C11orf65: variants seen among roughly 807,000 people sequenced by gnomAD.
C11orf65 encodes chromosome 11 open reading frame 65.
Under a neutral mutation model 35.3 loss-of-function variants are expected in C11orf65, and 38 were observed. The ratio of observed to expected loss-of-function variants is 1.08; its 90% CI spans 0.83 to 1.41. C11orf65 has a LOEUF of 1.41. Ranked by LOEUF, C11orf65 falls within the 40% of genes most tolerant of loss-of-function variation. The pLI, the probability that C11orf65 is intolerant of heterozygous loss-of-function variation, is 0.00. For missense variants in C11orf65, 370 were observed against 367.1 expected, an observed-to-expected ratio of 1.01 and a Z score of -0.06; for synonymous variants, 105 against 114.4, an observed-to-expected ratio of 0.92 and a Z score of 0.53.
chr11:108,442,174 T>G (rs1446905935), intron 2 of C11orf65, among the ~76,000 whole-genome samples: 2 of 152,124 alleles, frequency 1.3e-5, no homozygotes, highest in Non-Finnish European at 1.5e-5. Context: ...AACTAGGTGA[T>G]GCATGCACAA....
intron 2 of C11orf65, among the ~76,000 whole-genome samples, chr11:108,373,515 A>G (rs2091627985): frequency 6.6e-6 from 1 of 152,180 alleles, no homozygotes; most frequent in Non-Finnish European, 1.5e-5. Flanking sequence ...TAAAAGACAT[A>G]CCGTTTTAAA....
intron 3 of C11orf65, among the ~76,000 whole-genome samples, chr11:108,414,891 G>A (rs2092708773): frequency 6.6e-6 from 1 of 151,910 alleles, no homozygotes; most frequent in Non-Finnish European, 1.5e-5. Context: ...ATTTTGCAAG[G>A]CCACTATTAT....
At position 108,336,771 on chromosome 11, in the gene C11orf65, C is replaced by T. The variant is rs190729300; in HGVS notation, c.227-1479G>A. Among the ~76,000 whole-genome samples, 4 of 152,334 alleles carry T rather than the reference C, an allele frequency of 2.6e-5. No individual in the cohort carries two copies. In the East Asian group the frequency reaches 5.8e-4, roughly 22 times the overall value. Reference sequence around the variant, plus strand: ...CTCTCAATGGGAGTGTACCCACTTACATTTCCTCTAGCTATTTGCCTGAGA... The same window carrying T: ...CTCTCAATGGGAGTGTACCCACTTATATTTCCTCTAGCTATTTGCCTGAGA... On this transcript the variant is annotated intron_variant, in intron 2 of 3. Coordinates refer to the C11orf65 transcript ENST00000524755.
intron 2 of C11orf65, among the ~76,000 whole-genome samples, chr11:108,438,220 C>A (rs140946636): frequency 7.6e-4 from 115 of 152,190 alleles, no homozygotes; most frequent in African/African-American, 2.7e-3. Flanking sequence ...GAAATTGGGT[C>A]CTTAATTTAC....
chr11:108,383,204 G>T (rs775877815), intron 8 of C11orf65, 29 bp from the exon 9 acceptor site: 3 of 1,506,806 alleles, frequency 2.0e-6, no homozygotes, highest in Non-Finnish European at 2.7e-6. Flanking sequence ...TGATTAGAAA[G>T]ATACCAGATA....
At chr11:108,331,140 T>C, downstream of C11orf65, 2 of 1,090,194 alleles carry the variant, frequency 1.8e-6, no homozygotes, top group Middle Eastern at 4.2e-4. Flanking sequence ...AAGATCACAG[T>C]CACACTCAGA....
At chr11:108,468,177 A>T (rs1256615660), upstream of C11orf65, among the ~76,000 whole-genome samples, 1 of 152,192 alleles carries the variant, frequency 6.6e-6, no homozygotes, top group Non-Finnish European at 1.5e-5. Flanking sequence ...TCATTTGAAA[A>T]TGAGACAACT....
Position 108,319,910 on chromosome 11 carries a change from G to A in C11orf65, c.641-10839C>T, listed in dbSNP as rs773946086. 7.3e-7 allele frequency: 1 copy of A among 1,361,786 alleles called. No individual in the cohort carries two copies. The highest frequency in any genetic ancestry group is 1.2e-5 in the South Asian group (1 of 85,514). 84.4% of individuals were successfully genotyped at this position (1,361,786 alleles called of 1,614,324 possible). On this transcript the variant is annotated intron_variant, in intron 6 of 6. Transcript: ENST00000525729. ...AGCTATTTATACATGTATATCTTAG[G>A]GTTCTGTTTTTAAGTATATTTTTTT...
chr11:108,415,955 T>C (rs1273282704), intron 3 of C11orf65, among the ~76,000 whole-genome samples: 1 of 152,130 alleles, frequency 6.6e-6, no homozygotes, highest in Non-Finnish European at 1.5e-5. Context: ...TCTTACACCT[T>C]TCACAAAACA....
At chr11:108,368,469 G>T (rs1387859639) in intron 2 of C11orf65, 1 of 213,194 alleles carries the variant, frequency 4.7e-6, no homozygotes, top group Admixed American at 5.8e-5. Flanking sequence ...TACTTTGCAA[G>T]ATTAGTGATA....
At chr11:108,314,467 T>TA (rs2084441099) in intron 6 of C11orf65, among the ~76,000 whole-genome samples, 2 of 147,514 alleles carry the variant, frequency 1.4e-5, no homozygotes, top group Admixed American at 6.8e-5. Context: ...TTTTTTTTTT[T>TA]ATGTGATATA....
chr11:108,465,519 T>G (rs932921988), intron 1 of C11orf65, among the ~76,000 whole-genome samples: 2 of 152,114 alleles, frequency 1.3e-5, no homozygotes, highest in Non-Finnish European at 2.9e-5. Flanking sequence ...ATAAAGTCAC[T>G]AGTGACTGTA....
At chr11:108,453,976 T>C (rs576957060) in intron 2 of C11orf65, among the ~76,000 whole-genome samples, 43 of 152,228 alleles carry the variant, frequency 2.8e-4, no homozygotes, top group Non-Finnish European at 5.4e-4. Context: ...GGGCAGATTA[T>C]TATTTCTTCT....
chr11:108,360,059 TAAAG>T (rs1254051654), intron 2 of C11orf65, among the ~76,000 whole-genome samples: 38 of 150,504 alleles, frequency 2.5e-4, no homozygotes, highest in South Asian at 2.1e-3. Context: ...GCAAGACTAA[TAAAG>T]AAAAAAGAGA....
intron 2 of C11orf65, among the ~76,000 whole-genome samples, chr11:108,454,358 G>C (rs1343844771): frequency 6.6e-6 from 1 of 150,886 alleles, no homozygotes; most frequent in Non-Finnish European, 1.5e-5. Flanking sequence ...GGGTGCAATG[G>C]CATGATCTCA....
chr11:108,339,269 G>A (rs1000129752), intron 2 of C11orf65, among the ~76,000 whole-genome samples: 3 of 152,154 alleles, frequency 2.0e-5, no homozygotes, highest in African/African-American at 7.2e-5. Context: ...TAAAAGGCAA[G>A]TCTCTAATAA....
chr11:108,454,833 T>G (rs2093393841), intron 2 of C11orf65, among the ~76,000 whole-genome samples: 1 of 152,128 alleles, frequency 6.6e-6, no homozygotes, highest in African/African-American at 2.4e-5. Flanking sequence ...CAACTCCTGG[T>G]TTTGTTGATC....
chr11:108,443,727 C>A (rs2135541607), intron 2 of C11orf65, among the ~76,000 whole-genome samples: 1 of 152,140 alleles, frequency 6.6e-6, no homozygotes, highest in South Asian at 2.1e-4. Context: ...CTACTGGGTA[C>A]ATAACAAAAT....
chr11:108,336,131 G>T, intron 2 of C11orf65: 7 of 506,044 alleles, frequency 1.4e-5, no homozygotes, highest in Admixed American at 3.4e-5. Flanking sequence ...ACCCCATCTT[G>T]ACAAAAAGTT....
Sources: gnomAD v4.1 joint callset for allele counts (sites outside exome capture counted in the v4.1 genomes callset) on GRCh38, gnomAD v4.1.1 for gene constraint, MANE v1.5 for transcripts, NCBI Gene and HGNC (gene_info 2026-07-23, HGNC 2026-07-21) for gene names.